Variants in PCDHGA10 observed in about 807,000 individuals in gnomAD.
The protein encoded by PCDHGA10 is protocadherin gamma-A10.
In PCDHGA10, 42 loss-of-function variants were observed where a neutral mutation model predicts 59.5. The observed-to-expected ratio is 0.71, with a 90% confidence interval of 0.55 to 0.91. The LOEUF (loss-of-function observed/expected upper bound fraction) is 0.91, where lower values mean the gene tolerates loss of function less well. PCDHGA10 is among the 40% of genes least tolerant of loss of function. The pLI is 0.00. For synonymous variants in PCDHGA10, 511 were observed against 517.2 expected (o/e 0.99, Z 0.16); for missense variants, 1,111 against 1,198.2 (o/e 0.93, Z 1.07).
intron 1 of PCDHGA10, chr5:141,422,542 G>T (rs368252552): frequency 1.2e-5 from 19 of 1,613,878 alleles, no homozygotes; most frequent in Admixed American, 1.7e-5. Context: ...AGAAACTCAT[G>T]TCTGGCTGAA....
Position 141,433,020 on chromosome 5 carries a change from C to T in PCDHGA10, c.2436+17409C>T, listed in dbSNP as rs761127608. 1.1e-5 allele frequency: 17 copies of T among 1,614,152 alleles called. No individual in the cohort carries two copies. The South Asian group carries it at 1.9e-4, about 18-fold the overall frequency. On this transcript the variant is annotated intron_variant, in intron 1 of 3. Coordinates refer to ENST00000398610, the MANE Select transcript of PCDHGA10 (RefSeq NM_018913.3). ...GTGCAGGCTTTCCTGCAGACCTATTCCCACGAGGTTTCCCTCACCACGGAC... is the reference window on the plus strand; with the variant it reads ...GTGCAGGCTTTCCTGCAGACCTATTTCCACGAGGTTTCCCTCACCACGGAC...
At chr5:141,457,881 G>T (rs2098931594) in intron 1 of PCDHGA10, among the ~76,000 whole-genome samples, 2 of 152,230 alleles carry the variant, frequency 1.3e-5, no homozygotes, top group African/African-American at 4.8e-5. Context: ...TAGGAACCCT[G>T]TGTGGGGACT....
chr5:141,500,186 T>A (rs1008615587), intron 2 of PCDHGA10, among the ~76,000 whole-genome samples: 7 of 99,362 alleles, frequency 7.0e-5, no homozygotes, highest in African/African-American at 3.5e-4. Flanking sequence ...ATTTTTATTT[T>A]TATTTATTTA....
intron 1 of PCDHGA10, chr5:141,422,357 C>T: frequency 6.4e-7 from 1 of 1,557,656 alleles, no homozygotes; most frequent in South Asian, 1.3e-5. Context: ...GATCAAGATT[C>T]TGGAGAAAAT....
At chr5:141,465,466 C>T (rs1280373152) in intron 1 of PCDHGA10, among the ~76,000 whole-genome samples, 1 of 152,156 alleles carries the variant, frequency 6.6e-6, no homozygotes, top group African/African-American at 2.4e-5. Flanking sequence ...ACCAAATTGC[C>T]CTTGCTTCAT....
At chr5:141,498,321 G>A (rs1477684617) in intron 2 of PCDHGA10, among the ~76,000 whole-genome samples, 2 of 151,722 alleles carry the variant, frequency 1.3e-5, no homozygotes, top group Non-Finnish European at 2.9e-5. Flanking sequence ...CTACACAGAA[G>A]GAAGAGCATT....
intron 1 of PCDHGA10, chr5:141,426,732 C>T (rs576525011): frequency 2.7e-4 from 123 of 448,642 alleles, no homozygotes; most frequent in African/African-American, 2.2e-3. Context: ...TCCAGGCATT[C>T]GGTTTGGCCT....
chr5:141,459,295 A>C (rs571675117), intron 1 of PCDHGA10, among the ~76,000 whole-genome samples: 2 of 152,368 alleles, frequency 1.3e-5, no homozygotes, highest in South Asian at 4.1e-4. Context: ...ATGGAATCCT[A>C]TAACATATAC....
intron 2 of PCDHGA10, among the ~76,000 whole-genome samples, chr5:141,495,678 C>T (rs1340336428): frequency 6.6e-6 from 1 of 152,180 alleles, no homozygotes; most frequent in African/African-American, 2.4e-5. Context: ...CTGTGCCTGC[C>T]ATGGCATAAG....
intron 1 of PCDHGA10, chr5:141,420,202 C>T (rs2096476837): frequency 6.2e-7 from 1 of 1,613,136 alleles, no homozygotes. Flanking sequence ...AAGATAACCT[C>T]AACAAAGATA....
rs370503146 is a variant in PCDHGA10 at position 141,511,012 on chromosome 5, G to A, written c.2650G>A (p.Gly884Arg). 11 of 1,614,060 alleles carry A rather than the reference G, an allele frequency of 6.8e-6. No individual in the cohort carries two copies. Among genetic ancestry groups the A allele is most frequent in the Middle Eastern group, 1.6e-4 (1 of 6,084 alleles). ...AGTMGLSARYGPQFTLQHVPD... is the reference protein window; with the variant it reads ...AGTMGLSARYRPQFTLQHVPD... The stretch of plus-strand genomic sequence containing the variant: ...CACCATGGGATTGAGCGCCCGCTAC[G>A]GACCCCAGTTCACCCTGCAGCACGT... The change falls in exon 4 of 4, where the codon GGA (glycine) becomes AGA (arginine). Residue 884 changes from glycine (G) to arginine (R), a missense_variant. Transcript: ENST00000398610.
intron 1 of PCDHGA10, chr5:141,420,319 G>T (rs1393746531): frequency 7.0e-7 from 1 of 1,437,422 alleles, no homozygotes; most frequent in African/African-American, 1.4e-5. Context: ...ATTACAATAT[G>T]CCAATATATT....
Position 141,486,829 on chromosome 5 carries a change from T to A in PCDHGA10, c.2437-7978T>A. 1 of 1,614,178 alleles carries A rather than the reference T, an allele frequency of 6.2e-7. No individual in the cohort carries two copies. On this transcript the variant is annotated intron_variant, in intron 1 of 3. Coordinates refer to ENST00000398610, the MANE Select transcript of PCDHGA10 (RefSeq NM_018913.3). The surrounding 1 kb of genome is among the most constrained non-coding windows in gnomAD (Gnocchi z 5.0). ...CCCTTAGCAGCACTGTAACAGTTCG[T>A]CTATTTGTGCTGGACCTCAATGACA...
intron 1 of PCDHGA10, among the ~76,000 whole-genome samples, chr5:141,439,221 T>G (rs145700274): frequency 1.2e-3 from 182 of 151,852 alleles, no homozygotes; most frequent in African/African-American, 4.3e-3. Flanking sequence ...ATGTGAAAAT[T>G]CTTAGAAGCT....
intron 1 of PCDHGA10, among the ~76,000 whole-genome samples, chr5:141,456,790 C>T (rs1364747385): frequency 6.6e-6 from 1 of 151,976 alleles, no homozygotes; most frequent in Admixed American, 6.6e-5. Flanking sequence ...TGGCAAAACC[C>T]CATCTCTACT....
At chr5:141,449,251 A>T (rs918418872) in intron 1 of PCDHGA10, among the ~76,000 whole-genome samples, 10 of 152,256 alleles carry the variant, frequency 6.6e-5, no homozygotes, top group Middle Eastern at 3.4e-3. Flanking sequence ...AGTTGCAAGA[A>T]TTGTACAAAG....
chr5:141,474,981 G>A (rs1336399018), intron 1 of PCDHGA10, among the ~76,000 whole-genome samples: 1 of 152,126 alleles, frequency 6.6e-6, no homozygotes, highest in African/African-American at 2.4e-5. Context: ...ATTTTGTTTG[G>A]TGACAACAAT....
chr5:141,414,023 A>G lies in PCDHGA10; in HGVS notation c.848A>G (p.Tyr283Cys), dbSNP rs746044242. 5 of 1,612,692 alleles carry G rather than the reference A, an allele frequency of 3.1e-6. No homozygotes were observed. The highest frequency in any genetic ancestry group is 2.2e-5 in the East Asian group (1 of 44,836). ...GAAGGTGCCAATGGAGAAGTGACAT[A>G]TTCATTCCGAAAATTACCTGACACG... The part of the protein sequence containing the change: ...RDEGANGEVT[Y>C]SFRKLPDTQL... The change falls in exon 1 of 4, where the codon TAT becomes TGT. Residue 283 changes from tyrosine to cysteine, a missense_variant. Transcript: ENST00000398610.
At chr5:141,429,297 T>C (rs985228754) in intron 1 of PCDHGA10, 7 of 152,208 alleles carry the variant, frequency 4.6e-5, no homozygotes, top group Admixed American at 3.3e-4. Flanking sequence ...GGGACATCAA[T>C]ATTTGAGTAT....
Sources: allele counts gnomAD v4.1 joint callset (sites outside exome capture counted in the v4.1 genomes callset), GRCh38; gene constraint gnomAD v4.1.1; non-coding constraint Gnocchi (gnomAD v3.1); transcripts MANE v1.5; gene names NCBI Gene and HGNC (gene_info 2026-07-23, HGNC 2026-07-21).